The following ZNF529 variants were observed in gnomAD, a reference collection of about 807,000 sequenced individuals.
ZNF529 encodes the protein zinc finger protein 529.
A neutral mutation model predicts 10.1 loss-of-function variants in ZNF529; 11 were observed. The ratio of observed to expected loss-of-function variants is 1.09; its 90% CI spans 0.69 to 1.81. The LOEUF is 1.81. Among genes scored for constraint, ZNF529 ranks in the 40% most tolerant of loss-of-function variants. The probability of loss-of-function intolerance (pLI) is 0.00; values close to 1 mark genes in which losing one functional copy is unlikely to be tolerated. For missense variants in ZNF529, 624 were observed against 666.8 expected (o/e 0.94, Z 0.71); for synonymous variants, 204 against 215.7 (o/e 0.95, Z 0.47).
chr19:36,598,886 C>T (rs199855813), intron 1 of ZNF529, among the ~76,000 whole-genome samples: 1 of 152,146 alleles, frequency 6.6e-6, no homozygotes, highest in African/African-American at 2.4e-5. Flanking sequence ...CTTTCTGAGG[C>T]CTGCTCTTTC....
chr19:36,601,863 T>G (rs1290685209), intron 1 of ZNF529, among the ~76,000 whole-genome samples: 1 of 152,078 alleles, frequency 6.6e-6, no homozygotes, highest in African/African-American at 2.4e-5. Context: ...ATTTTAGGCT[T>G]TGTGAGCTAA....
At chr19:36,595,686 A>T (rs1207619579) in intron 1 of ZNF529, among the ~76,000 whole-genome samples, 1 of 152,138 alleles carries the variant, frequency 6.6e-6, no homozygotes, top group East Asian at 1.9e-4. Flanking sequence ...ACGACAGAGC[A>T]AGACTCTGTC....
In ZNF529 at chr19:36,547,914, A is replaced by G. The variant is rs2035108120; in HGVS notation, c.644T>C (p.Met215Thr). 5 of 1,612,840 alleles carry G rather than the reference A, an allele frequency of 3.1e-6. No individual in the cohort carries two copies. In the African/African-American group the frequency reaches 4.0e-5, roughly 13 times the overall value. The change falls in exon 5 of 5, where the codon ATG becomes ACG. Residue 215 changes from methionine (M) to threonine (T), a missense_variant. Physicochemically the swap from Met to Thr is moderately conservative, Grantham distance 81. Transcript: ENST00000591340. Reference sequence around the variant, plus strand: ...ACCAGTATGAATATTCAGTTGTAACATACTGGAGTTATCTATCCCAAAGGT... The same window carrying G: ...ACCAGTATGAATATTCAGTTGTAACGTACTGGAGTTATCTATCCCAAAGGT... ...WKTFGIDNSS[M>T]LQLNIHTGVK...
rs560888333 is a variant in ZNF529, at chr19:36,592,850, GA to G, written c.-127-3150del. On this transcript the variant is annotated intron_variant, in intron 1 of 4. Coordinates refer to the ZNF529 transcript ENST00000585960. The stretch of plus-strand genomic sequence containing the variant: ...TTATTCATATTAGTTGAATAAAGGA[GA>G]AAAAAATATGATCACTTTAGTATAT... Among the ~76,000 whole-genome samples the G allele has an allele frequency of 6.2e-3, 942 of 151,996 alleles. 16 individuals carry two copies. In the South Asian group the frequency reaches 0.074, roughly 12 times the overall value.
chr19:36,574,871 A>G (rs1258547496), upstream of ZNF529: 1 of 471,230 alleles, frequency 2.1e-6, no homozygotes, highest in East Asian at 6.9e-5. Context: ...TCCTGGGCAA[A>G]TATTTAGAAG....
At chr19:36,578,291 CTTTTTTT>C (rs1159725232), upstream of ZNF529, among the ~76,000 whole-genome samples, 133 of 31,754 alleles carry the variant, frequency 4.2e-3, no homozygotes, top group African/African-American at 0.012. Flanking sequence ...GTCTTGATCT[CTTTTTTT>C]TTTTTTTTTT....
chr19:36,585,217 T>C (rs2036555255), intron 2 of ZNF529, among the ~76,000 whole-genome samples: 1 of 152,310 alleles, frequency 6.6e-6, no homozygotes, highest in East Asian at 1.9e-4. Context: ...GGCCTATCAG[T>C]TTCCACTCCC....
chr19:36,578,151 G>A (rs553559732), upstream of ZNF529, among the ~76,000 whole-genome samples: 46 of 134,818 alleles, frequency 3.4e-4, no homozygotes, highest in Middle Eastern at 4.5e-3. Flanking sequence ...TGCAACCTCC[G>A]CCTCCCAGGT....
At position 36,583,014 on chromosome 19, in the gene ZNF529, CTT is replaced by C. The variant is rs912349318; in HGVS notation, c.-41+6599_-41+6600del. Among the ~76,000 whole-genome samples the C allele has an allele frequency of 1.4e-3, 217 of 152,094 alleles. 1 individual carries two copies. Among genetic ancestry groups the C allele is most frequent in the African/African-American group, 5.1e-3 (210 of 41,482 alleles). Reference sequence around the variant, plus strand: ...TTTAAAAGCACAGCTTCTCAAAACTCTTGACTCAAAATGAAATAGAAAAACAG... The same window carrying C: ...TTTAAAAGCACAGCTTCTCAAAACTCGACTCAAAATGAAATAGAAAAACAG... On this transcript the variant is annotated intron_variant, in intron 2 of 4. Coordinates refer to the ZNF529 transcript ENST00000585960.
chr19:36,579,221 C>T (rs3111543), intron 2 of ZNF529, among the ~76,000 whole-genome samples: 54,054 of 151,394 alleles, frequency 0.36, 10,410 homozygotes, highest in African/African-American at 0.52. Context: ...AAATACTACA[C>T]GTGTGAATTA....
chr19:36,581,169 G>A (rs2145241400), intron 2 of ZNF529: 1 of 152,220 alleles, frequency 6.6e-6, no homozygotes, highest in East Asian at 1.9e-4. Context: ...ACTATTGGCT[G>A]GACCATAAGT....
At chr19:36,562,064 C>T (rs1043135691) in intron 2 of ZNF529, among the ~76,000 whole-genome samples, 2 of 152,058 alleles carry the variant, frequency 1.3e-5, no homozygotes, top group African/African-American at 4.8e-5. Context: ...GGAGAAACCC[C>T]ATCTCTACTA....
chr19:36,558,117 T>C (rs1387551826), intron 2 of ZNF529, among the ~76,000 whole-genome samples: 4 of 152,058 alleles, frequency 2.6e-5, no homozygotes, highest in Admixed American at 1.3e-4. Context: ...GACAGATTAA[T>C]AGCAATGGTA....
In ZNF529 at chr19:36,546,061, G is replaced by GTGTATATA. The variant is rs1491095167; in HGVS notation, c.*804_*805insTATATACA. Reference sequence around the variant, plus strand: ...ATACATATATTGTGTGTGTGTGTGTGTATATATATATATATATATAGTGTG... The same window carrying GTGTATATA: ...ATACATATATTGTGTGTGTGTGTGTGTGTATATATATATATATATATATATATAGTGTG... On this transcript the variant is annotated 3_prime_UTR_variant, in exon 5 of 5. Coordinates refer to ENST00000591340, the MANE Select transcript of ZNF529 (RefSeq NM_020951.5). The GTGTATATA allele has an allele frequency of 1.0e-4, 13 of 130,134 alleles. No homozygotes were observed. Among genetic ancestry groups the GTGTATATA allele is most frequent in the African/African-American group, 3.8e-4 (13 of 33,846 alleles). The allele number at this position is 130,134 out of a possible 1,614,324, so 8.1% of individuals were successfully genotyped here. A position where few individuals can be genotyped will look rare whatever the true frequency, so the allele number is the denominator to read the frequency against.
intron 4 of ZNF529, among the ~76,000 whole-genome samples, chr19:36,552,364 T>C (rs2035296190): frequency 6.6e-6 from 1 of 151,922 alleles, no homozygotes; most frequent in Non-Finnish European, 1.5e-5. Flanking sequence ...GAGACAGAGG[T>C]TGCAGCAAGC....
chr19:36,590,745 C>A (rs2036688800), intron 1 of ZNF529, among the ~76,000 whole-genome samples: 1 of 151,974 alleles, frequency 6.6e-6, no homozygotes, highest in African/African-American at 2.4e-5. Flanking sequence ...GCCTGGCCAA[C>A]ATGGTGAAAC....
At chr19:36,573,505 C>T (rs1240364403), upstream of ZNF529, 4 of 470,460 alleles carry the variant, frequency 8.5e-6, no homozygotes, top group Non-Finnish European at 1.8e-5. Flanking sequence ...GAAGAGGCGG[C>T]TGGTGGTCCC....
intron 2 of ZNF529, among the ~76,000 whole-genome samples, chr19:36,566,273 C>A (rs1427086850): frequency 1.3e-5 from 2 of 152,122 alleles, no homozygotes; most frequent in East Asian, 3.8e-4. Context: ...AAATTCAAAC[C>A]AGTTATTTGT....
intron 2 of ZNF529, among the ~76,000 whole-genome samples, chr19:36,564,191 A>G (rs1305510484): frequency 6.6e-6 from 1 of 152,216 alleles, no homozygotes; most frequent in Non-Finnish European, 1.5e-5. Flanking sequence ...TGTAAACATC[A>G]GCCTTGACAA....
Sources: gnomAD v4.1 joint callset for allele counts (sites outside exome capture counted in the v4.1 genomes callset) on GRCh38, gnomAD v4.1.1 for gene constraint, MANE v1.5 for transcripts, NCBI Gene and HGNC (gene_info 2026-07-23, HGNC 2026-07-21) for gene names.